Variants in IQCK observed in about 807,000 individuals in gnomAD.
The protein encoded by IQCK is IQ motif containing K.
In IQCK, 29 loss-of-function variants were observed where a neutral mutation model predicts 28.1. The observed-to-expected ratio is 1.03, with a 90% CI of 0.77 to 1.41. IQCK has a LOEUF of 1.41. IQCK is among the 40% of genes most tolerant of loss of function. The probability of loss-of-function intolerance (pLI) is 0.00; values close to 1 mark genes in which losing one functional copy is unlikely to be tolerated. For synonymous variants in IQCK, 113 were observed against 115.1 expected (o/e 0.98, Z 0.12); for missense variants, 359 against 314.7 (o/e 1.14, Z -1.07).
chr16:19,778,576 G>T lies in IQCK; in HGVS notation c.606-10262G>T, dbSNP rs374592649. On this transcript the variant is annotated intron_variant, in intron 6 of 7. Coordinates refer to ENST00000564186, the Ensembl canonical transcript of IQCK. ...AGAGGCCGAGGGGAGAGTATCACTT[G>T]GACCTGGGAGATGGAGGCTGCAGCG... Among the ~76,000 whole-genome samples, 6 of 152,152 alleles carry T rather than the reference G, an allele frequency of 3.9e-5. 1 individual carries two copies. Among genetic ancestry groups the T allele is most frequent in the Admixed American group, 1.3e-4 (2 of 15,282 alleles).
intron 9 of IQCK, among the ~76,000 whole-genome samples, chr16:19,841,676 C>A: frequency 6.6e-6 from 1 of 152,138 alleles, no homozygotes; most frequent in Admixed American, 6.5e-5. Context: ...TGACCTTGAA[C>A]AAGTTACTTA....
chr16:19,792,569 C>CTT (rs777960791), intron 7 of IQCK, among the ~76,000 whole-genome samples: 15 of 102,178 alleles, frequency 1.5e-4, no homozygotes, highest in Non-Finnish European at 2.4e-4. Context: ...TACTGAACAC[C>CTT]TTTTTTTTTT....
chr16:19,823,334 C>T (rs1210576711), intron 7 of IQCK, among the ~76,000 whole-genome samples: 1 of 152,220 alleles, frequency 6.6e-6, no homozygotes, highest in Non-Finnish European at 1.5e-5. Context: ...TCATCCTGCA[C>T]TCCCTTCACC....
intron 4 of IQCK, among the ~76,000 whole-genome samples, chr16:19,763,490 T>A (rs938473677): frequency 6.6e-6 from 1 of 152,142 alleles, no homozygotes; most frequent in African/African-American, 2.4e-5. Flanking sequence ...TTGCCCAGGC[T>A]GGAGTGCAGT....
At chr16:19,735,546 C>T (rs1049944593) in intron 4 of IQCK, 96 bp downstream of exon 4, 1 of 1,008,736 alleles carries the variant, frequency 9.9e-7, no homozygotes, top group African/African-American at 1.6e-5. Context: ...AGGTTGTTCT[C>T]CAGATGACCC....
chr16:19,819,888 A>C (rs999113858), intron 7 of IQCK, among the ~76,000 whole-genome samples: 6 of 152,106 alleles, frequency 3.9e-5, no homozygotes, highest in African/African-American at 1.4e-4. Flanking sequence ...CTTGAAAAAA[A>C]AAAACATGCA....
At chr16:19,741,112 A>G (rs1402674539) in intron 4 of IQCK, among the ~76,000 whole-genome samples, 5 of 152,130 alleles carry the variant, frequency 3.3e-5, no homozygotes, top group African/African-American at 1.2e-4. Flanking sequence ...GGACAAGAAG[A>G]CATGGTCCTG....
At chr16:19,754,847 A>G (rs112373411) in intron 4 of IQCK, among the ~76,000 whole-genome samples, 26 of 152,306 alleles carry the variant, frequency 1.7e-4, no homozygotes, top group African/African-American at 6.0e-4. Flanking sequence ...AGTGGAAACA[A>G]TAGATTCTGG....
intron 4 of IQCK, chr16:19,735,905 T>A (rs1297004579): frequency 3.4e-5 from 11 of 323,806 alleles, no homozygotes; most frequent in African/African-American, 1.1e-4. Context: ...CTAAAAAAAA[T>A]TTTTTTTTAA....
At chr16:19,772,230 G>A (rs1029552990) in intron 6 of IQCK, among the ~76,000 whole-genome samples, 2 of 152,018 alleles carry the variant, frequency 1.3e-5, no homozygotes, top group African/African-American at 4.8e-5. Flanking sequence ...ACCAATTTTC[G>A]GGAAGAGAAA....
intron 7 of IQCK, among the ~76,000 whole-genome samples, chr16:19,802,699 T>G (rs1452687481): frequency 6.6e-6 from 1 of 151,940 alleles, no homozygotes; most frequent in Non-Finnish European, 1.5e-5. Flanking sequence ...TGATTTGTTT[T>G]CTGCTCCTAT....
intron 9 of IQCK, among the ~76,000 whole-genome samples, chr16:19,833,965 G>A (rs1380279893): frequency 6.6e-6 from 1 of 152,144 alleles, no homozygotes; most frequent in Non-Finnish European, 1.5e-5. Flanking sequence ...GCACACTCCT[G>A]TAGTCCCAGC....
intron 9 of IQCK, among the ~76,000 whole-genome samples, chr16:19,843,739 G>A (rs2056386083): frequency 6.6e-6 from 1 of 152,186 alleles, no homozygotes; most frequent in Non-Finnish European, 1.5e-5. Context: ...TTCTTGCTGG[G>A]TCATCACATG....
intron 1 of IQCK, among the ~76,000 whole-genome samples, chr16:19,721,913 T>G (rs2151671239): frequency 6.6e-6 from 1 of 151,622 alleles, no homozygotes; most frequent in South Asian, 2.1e-4. Context: ...GTGATTACTG[T>G]TATCAGCATC....
chr16:19,815,882 C>T (rs530454356), intron 7 of IQCK, among the ~76,000 whole-genome samples: 4 of 152,194 alleles, frequency 2.6e-5, no homozygotes, highest in South Asian at 4.1e-4. Context: ...CATATACTTC[C>T]TTTATGTTGA....
chr16:19,752,958 T>G (rs2055006414), intron 4 of IQCK, among the ~76,000 whole-genome samples: 1 of 152,194 alleles, frequency 6.6e-6, no homozygotes, highest in East Asian at 1.9e-4. Flanking sequence ...GTTCTCTCTC[T>G]TCTTCTCTTG....
At chr16:19,751,699 C>T (rs1309370735) in intron 4 of IQCK, among the ~76,000 whole-genome samples, 1 of 151,500 alleles carries the variant, frequency 6.6e-6, no homozygotes, top group Non-Finnish European at 1.5e-5. Flanking sequence ...GGCATGCCTT[C>T]TCCAAGCAGA....
intron 7 of IQCK, among the ~76,000 whole-genome samples, chr16:19,816,528 C>A (rs1275884631): frequency 6.6e-6 from 1 of 152,188 alleles, no homozygotes; most frequent in African/African-American, 2.4e-5. Context: ...GGGATCCACC[C>A]GCCTCAGCCT....
chr16:19,775,543 C>T (rs1166633083), intron 6 of IQCK, among the ~76,000 whole-genome samples: 1 of 152,098 alleles, frequency 6.6e-6, no homozygotes, highest in East Asian at 1.9e-4. Flanking sequence ...CATAGTATCC[C>T]CGTTGTATTA....
Sources: gnomAD v4.1 joint callset for allele counts (sites outside exome capture counted in the v4.1 genomes callset) on GRCh38, gnomAD v4.1.1 for gene constraint, MANE v1.5 for transcripts, NCBI Gene and HGNC (gene_info 2026-07-23, HGNC 2026-07-21) for gene names.